The following TIPIN variants were observed in gnomAD, a reference collection of about 807,000 sequenced individuals.
TIPIN encodes TIMELESS interacting protein, also known as TIMELESS-interacting protein.
A neutral mutation model predicts 35.6 loss-of-function variants in TIPIN; 29 were observed. The observed-to-expected ratio is 0.82, with a 90% confidence interval of 0.61 to 1.11. The LOEUF is 1.11. Among genes scored for constraint, TIPIN ranks in the 50% most tolerant of loss-of-function variants. The pLI is 0.00. For missense variants in TIPIN, 296 were observed against 345.4 expected, an observed-to-expected ratio of 0.86 and a Z score of 1.13; for synonymous variants, 102 against 121.5, an observed-to-expected ratio of 0.84 and a Z score of 1.06.
intron 1 of TIPIN, among the ~76,000 whole-genome samples, chr15:66,370,162 T>C (rs990951760): frequency 2.0e-5 from 3 of 152,042 alleles, no homozygotes; most frequent in East Asian, 1.9e-4. Context: ...ATGTCCTGAG[T>C]ATATCTTCTT....
Position 66,372,127 on chromosome 15 carries a change from C to T in TIPIN, c.-9+14480G>A, listed in dbSNP as rs534618036. Among the ~76,000 whole-genome samples the T allele has an allele frequency of 7.8e-4, 119 of 152,188 alleles. 1 individual carries two copies. Among genetic ancestry groups the T allele is most frequent in the Admixed American group, 5.5e-3 (84 of 15,260 alleles). ...GTTTTACTGAAGGGTAACATACAGA[C>T]AGAAAAGTACACAAGTCATGAATGG... On this transcript the variant is annotated intron_variant, in intron 1 of 7. Coordinates refer to the TIPIN transcript ENST00000562124.
At chr15:66,386,186 G>A (rs1470837748) in intron 1 of TIPIN, among the ~76,000 whole-genome samples, 2 of 152,132 alleles carry the variant, frequency 1.3e-5, no homozygotes, top group East Asian at 3.8e-4. Flanking sequence ...CAGCTACTCA[G>A]GAGACTGAGG....
In TIPIN at chr15:66,336,751, T is replaced by A. The variant is rs933984979; in HGVS notation, c.*207A>T. On this transcript the variant is annotated 3_prime_UTR_variant, in exon 8 of 8. Transcript: ENST00000261881. ...CCTAATCATTTTATGAAGAAATACC[T>A]ATATAAAAACAAACACTAAAGAGAA... The A allele has an allele frequency of 3.9e-6, 2 of 513,522 alleles. No individual in the cohort carries two copies. The highest frequency in any genetic ancestry group is 7.0e-6 in the Non-Finnish European group (2 of 287,498). The allele number at this position is 513,522 out of a possible 1,614,324, so 31.8% of individuals were successfully genotyped here.
chr15:66,380,236 C>T (rs1052053172), intron 1 of TIPIN, among the ~76,000 whole-genome samples: 10 of 151,576 alleles, frequency 6.6e-5, no homozygotes, highest in African/African-American at 2.4e-4. Context: ...GATCTCCTGA[C>T]CTCGTGATCC....
At chr15:66,356,807 C>G (rs937102365), upstream of TIPIN, 112 of 865,134 alleles carry the variant, frequency 1.3e-4, no homozygotes, top group Non-Finnish European at 1.5e-4. Context: ...TTCCGCCCAG[C>G]ACGCCGGTCC....
intron 7 of TIPIN, among the ~76,000 whole-genome samples, chr15:66,340,101 T>C (rs2093074764): frequency 6.6e-6 from 1 of 150,896 alleles, no homozygotes; most frequent in Admixed American, 6.6e-5. Flanking sequence ...CTCGATCTCC[T>C]GACCTTGTGA....
At chr15:66,338,611 G>A (rs2093061568) in intron 7 of TIPIN, among the ~76,000 whole-genome samples, 3 of 151,344 alleles carry the variant, frequency 2.0e-5, no homozygotes, top group Admixed American at 1.3e-4. Context: ...TTAGGGGATC[G>A]AGACCATCCT....
intron 1 of TIPIN, among the ~76,000 whole-genome samples, chr15:66,363,273 C>T (rs1462665600): frequency 2.0e-5 from 3 of 151,950 alleles, no homozygotes; most frequent in Non-Finnish European, 1.5e-5. Context: ...TTTGGGAGGC[C>T]GAGGCGGGCG....
At chr15:66,345,679 C>G (rs2093119950) in intron 6 of TIPIN, among the ~76,000 whole-genome samples, 1 of 152,000 alleles carries the variant, frequency 6.6e-6, no homozygotes, top group Non-Finnish European at 1.5e-5. Context: ...CCACTGCACT[C>G]CAGCCTAGGC....
intron 6 of TIPIN, among the ~76,000 whole-genome samples, chr15:66,342,364 A>T (rs2093094929): frequency 6.6e-6 from 1 of 152,032 alleles, no homozygotes; most frequent in Admixed American, 6.6e-5. Flanking sequence ...ATTTTAATAC[A>T]TTTTATTTTA....
intron 1 of TIPIN, chr15:66,380,060 G>A (rs2093313083): frequency 2.5e-6 from 1 of 407,974 alleles, no homozygotes. Context: ...GGAGTGCAGT[G>A]GCGCTATCTG....
At chr15:66,351,400 T>C in intron 4 of TIPIN, 125 bp downstream of exon 4, 1 of 732,734 alleles carries the variant, frequency 1.4e-6, no homozygotes, top group South Asian at 1.6e-5. Flanking sequence ...CACAACTGTT[T>C]CTCAAGACAT....
chr15:66,371,725 G>A lies in TIPIN; in HGVS notation c.-9+14882C>T, dbSNP rs2093278451. Among the ~76,000 whole-genome samples the A allele has an allele frequency of 2.0e-5, 3 of 151,956 alleles. 1 individual carries two copies. The South Asian group carries it at 6.2e-4, about 32-fold the overall frequency. ...GTGGAGACGGGGTTTCACCGTGTTG[G>A]CCAGAATGGTCTCGATCTCCTGACT... On this transcript the variant is annotated intron_variant, in intron 1 of 7. Coordinates refer to the TIPIN transcript ENST00000562124.
intron 1 of TIPIN, among the ~76,000 whole-genome samples, chr15:66,386,207 G>T (rs2093337775): frequency 6.6e-6 from 1 of 152,002 alleles, no homozygotes; most frequent in Non-Finnish European, 1.5e-5. Context: ...CAGGAGAATC[G>T]CTTGAACGTG....
chr15:66,336,670 C>T lies in TIPIN; in HGVS notation c.*288G>A. On this transcript the variant is annotated 3_prime_UTR_variant, in exon 8 of 8. Coordinates refer to ENST00000261881, the MANE Select transcript of TIPIN (RefSeq NM_017858.3). The stretch of plus-strand genomic sequence containing the variant: ...AAAAAACAGAAACAAAACCTCCCAA[C>T]TTAGTGAAAACAAGGCATTCAATGA... 1 of 350,350 alleles carries T rather than the reference C, an allele frequency of 2.9e-6. No individual in the cohort carries two copies. The highest frequency in any genetic ancestry group is 5.3e-6 in the Non-Finnish European group (1 of 187,560). 21.7% of individuals were successfully genotyped at this position (350,350 alleles called of 1,614,324 possible).
intron 1 of TIPIN, among the ~76,000 whole-genome samples, chr15:66,363,294 G>A (rs1310010588): frequency 1.3e-5 from 2 of 151,810 alleles, no homozygotes; most frequent in African/African-American, 2.4e-5. Context: ...GATTGCCTGA[G>A]GTCAGGAGTT....
In TIPIN at chr15:66,374,292, C is replaced by T. The variant is rs555198709; in HGVS notation, c.-9+12315G>A. 3.0e-4 allele frequency among the ~76,000 whole-genome samples: 43 copies of T among 142,818 alleles called. 1 individual carries two copies. In the South Asian group the frequency reaches 5.6e-3, roughly 19 times the overall value. 93.7% of individuals were successfully genotyped at this position (142,818 alleles called of 152,430 possible). On this transcript the variant is annotated intron_variant, in intron 1 of 7. Coordinates refer to the TIPIN transcript ENST00000562124. ...TCAGTAGCATTAGGTACTTACACTG[C>T]GGTTTTAATTTGCATTTCCCCATAA...
intron 1 of TIPIN, among the ~76,000 whole-genome samples, chr15:66,385,776 C>A (rs1444650575): frequency 6.6e-6 from 1 of 152,010 alleles, no homozygotes; most frequent in Non-Finnish European, 1.5e-5. Flanking sequence ...CGTGAGCCAC[C>A]GCGCCTGGCC....
At chr15:66,349,604 C>A (rs139284922) in intron 4 of TIPIN, among the ~76,000 whole-genome samples, 167 bp from the exon 5 acceptor site, 1 of 152,268 alleles carries the variant, frequency 6.6e-6, no homozygotes, top group African/African-American at 2.4e-5. Flanking sequence ...ATTGGCCAGA[C>A]ACAGTGGTTC....
Sources: allele counts gnomAD v4.1 joint callset (sites outside exome capture counted in the v4.1 genomes callset), GRCh38; gene constraint gnomAD v4.1.1; transcripts MANE v1.5; gene names NCBI Gene and HGNC (gene_info 2026-07-23, HGNC 2026-07-21).